Variants in SLC5A10 observed in about 807,000 individuals in gnomAD.
The protein encoded by SLC5A10 is sodium/mannose cotransporter SLC5A10.
SLC5A10 carries 55 observed loss-of-function variants against 68.9 expected under a neutral mutation model. That is an observed-to-expected ratio of 0.80 (90% CI 0.64 to 1.00). The LOEUF (loss-of-function observed/expected upper bound fraction) is 1.00, where lower values mean the gene tolerates loss of function less well. Among genes scored for constraint, SLC5A10 ranks in the 50% least tolerant of loss-of-function variants. The probability of loss-of-function intolerance (pLI) is 0.00; values close to 1 mark genes in which losing one functional copy is unlikely to be tolerated. For missense variants in SLC5A10, 732 were observed against 819.3 expected (o/e 0.89, Z 1.30); for synonymous variants, 344 against 344.8 (o/e 1.00, Z 0.02).
intron 11 of SLC5A10, among the ~76,000 whole-genome samples, chr17:19,016,051 C>CTT (rs796258265): frequency 2.8e-5 from 4 of 143,906 alleles, no homozygotes; most frequent in East Asian, 2.0e-4. Context: ...TTGTATCATT[C>CTT]TTTTTTTTTT....
rs1175820086 is a variant in SLC5A10 at position 18,969,137 on chromosome 17, C to G, written c.539C>G (p.Thr180Arg). 6.2e-7 allele frequency: 1 copy of G among 1,614,038 alleles called. No individual in the cohort carries two copies. Among genetic ancestry groups the G allele is most frequent in the Admixed American group, 1.7e-5 (1 of 60,016 alleles). The change falls in exon 6 of 15, where the codon ACA (threonine) becomes AGA (arginine). Residue 180 changes from threonine to arginine, a missense_variant. Coordinates refer to ENST00000395645, the MANE Select transcript of SLC5A10 (RefSeq NM_001042450.4). ...TCCACCATCCTCACGCTCGGCATCA[C>G]AGCCCTGTACACCATCGCAGGTATG... Reference protein sequence around the residue: ...YLSTILTLGITALYTIAGGLA... With the variant: ...YLSTILTLGIRALYTIAGGLA...
In SLC5A10 at chr17:18,971,990, C is replaced by T. The variant is rs762764003; in HGVS notation, c.846+772C>T. 6.6e-6 allele frequency among the ~76,000 whole-genome samples: 1 copy of T among 152,218 alleles called. No homozygotes were observed. Among genetic ancestry groups the T allele is most frequent in the Non-Finnish European group, 1.5e-5 (1 of 68,034 alleles). ...CAAGGCAGCTTCCTCCCAGCTCACC[C>T]CCGCAGCCTCCTCTATTCCGACACA... On this transcript the variant is annotated intron_variant, in intron 8 of 14. Transcript: ENST00000395645. The surrounding 1 kb of genome is among the most constrained non-coding windows in gnomAD (Gnocchi z 5.5).
At chr17:19,010,223 G>T (rs933793540) in intron 9 of SLC5A10, among the ~76,000 whole-genome samples, 6 of 152,180 alleles carry the variant, frequency 3.9e-5, no homozygotes, top group African/African-American at 1.4e-4. Context: ...CAGCAAGGAG[G>T]TAGTGCAGTT....
intron 1 of SLC5A10, among the ~76,000 whole-genome samples, chr17:18,953,075 C>G (rs2042405868): frequency 6.6e-6 from 1 of 151,950 alleles, no homozygotes; most frequent in Non-Finnish European, 1.5e-5. Flanking sequence ...CAGAGGTCCC[C>G]AGCCTGGCAT....
chr17:19,017,771 C>A lies in SLC5A10; in HGVS notation c.1242-1652C>A. The A allele has an allele frequency of 5.2e-6, 1 of 192,358 alleles. No homozygotes were observed. Among genetic ancestry groups the A allele is most frequent in the South Asian group, 1.0e-4 (1 of 9,940 alleles). 11.9% of individuals were successfully genotyped at this position (192,358 alleles called of 1,614,324 possible). A position where few individuals can be genotyped will look rare whatever the true frequency, so the allele number is the denominator to read the frequency against. ...CTCAGACACCCCTCCTTGAGATGTT[C>A]CACAGTAACTGTGGCTGCAGCCCAG... On this transcript the variant is annotated intron_variant, in intron 11 of 14. Coordinates refer to ENST00000395645, the MANE Select transcript of SLC5A10 (RefSeq NM_001042450.4). The surrounding 1 kb of genome is among the most constrained non-coding windows in gnomAD (Gnocchi z 5.6).
chr17:18,994,454 C>T (rs186552898), intron 9 of SLC5A10, among the ~76,000 whole-genome samples: 48 of 152,274 alleles, frequency 3.2e-4, no homozygotes, highest in South Asian at 4.2e-4. Flanking sequence ...ACAGAGTGAA[C>T]TCCAGAGACC....
At chr17:19,014,991 G>T (rs1439527397) in intron 10 of SLC5A10, 58 bp from the exon 11 acceptor site, 1 of 1,574,414 alleles carries the variant, frequency 6.4e-7, no homozygotes, top group African/African-American at 1.3e-5. Flanking sequence ...CAGGCGGGAG[G>T]GGTTCCCGGG....
At chr17:18,995,320 G>A (rs1454230419) in intron 9 of SLC5A10, among the ~76,000 whole-genome samples, 1 of 152,086 alleles carries the variant, frequency 6.6e-6, no homozygotes, top group Non-Finnish European at 1.5e-5. Flanking sequence ...AATTCAAGAG[G>A]TGAAAATGCA....
chr17:18,952,028 G>A (rs373458541), upstream of SLC5A10: 16 of 1,032,340 alleles, frequency 1.5e-5, no homozygotes, highest in African/African-American at 2.1e-4. Context: ...CCACCATGGG[G>A]TGAGGAAGCT....
At chr17:18,970,952 G>A in intron 7 of SLC5A10, 61 bp from the exon 8 acceptor site, 2 of 1,524,412 alleles carry the variant, frequency 1.3e-6, no homozygotes, top group East Asian at 2.3e-5. Context: ...GCAGGGGGGA[G>A]CCCAGGGAGT....
chr17:18,989,699 C>T (rs1005672810), intron 9 of SLC5A10, among the ~76,000 whole-genome samples: 4 of 152,242 alleles, frequency 2.6e-5, no homozygotes, highest in Non-Finnish European at 5.9e-5. Flanking sequence ...CTTTCTCCCA[C>T]AGTCACCCCG....
rs554267984 is a variant in SLC5A10 at position 18,974,874 on chromosome 17, G to C, written c.847-1980G>C. Among the ~76,000 whole-genome samples, 78 of 152,272 alleles carry C rather than the reference G, an allele frequency of 5.1e-4. 1 individual carries two copies. The highest frequency in any genetic ancestry group is 3.0e-3 in the Admixed American group (46 of 15,300). ...CTGGGACTAGACACCAGTGCTGGGA[G>C]GTGGGGGTGAGCAGTGGCCTGCTGA... On this transcript the variant is annotated intron_variant, in intron 8 of 14. Coordinates refer to ENST00000395645, the MANE Select transcript of SLC5A10 (RefSeq NM_001042450.4).
At chr17:19,015,924 A>AG (rs2044130270) in intron 11 of SLC5A10, among the ~76,000 whole-genome samples, 1 of 152,150 alleles carries the variant, frequency 6.6e-6, no homozygotes, top group Admixed American at 6.5e-5. Context: ...TAAGTTCTTT[A>AG]GTGGCGATTT....
Position 18,971,368 on chromosome 17 carries a change from T to A in SLC5A10, c.846+150T>A. 1 of 1,538,666 alleles carries A rather than the reference T, an allele frequency of 6.5e-7. No homozygotes were observed. The highest frequency in any genetic ancestry group is 1.8e-5 in the African/African-American group (1 of 55,404). On this transcript the variant is annotated intron_variant, in intron 8 of 14. Coordinates refer to ENST00000395645, the MANE Select transcript of SLC5A10 (RefSeq NM_001042450.4). The surrounding 1 kb of genome is among the most constrained non-coding windows in gnomAD (Gnocchi z 5.5). ...AGGCTGGGACATGCTGCTAGGGGTC[T>A]TTGCGGTCCCGGGGGGCTTGAGCCC...
At chr17:18,963,138 G>A (rs2042644043) in intron 5 of SLC5A10, among the ~76,000 whole-genome samples, 1 of 152,184 alleles carries the variant, frequency 6.6e-6, no homozygotes. Context: ...ACTTGAACTG[G>A]GGAGATGGAG....
At chr17:18,981,981 C>T (rs996304419) in intron 9 of SLC5A10, among the ~76,000 whole-genome samples, 8 of 152,230 alleles carry the variant, frequency 5.3e-5, no homozygotes, top group Admixed American at 1.3e-4. Context: ...GCTCCTGGCC[C>T]GGCCACAGAC....
Position 18,952,608 on chromosome 17 carries a change from C to A in SLC5A10, c.111+292C>A, listed in dbSNP as rs578018411. On this transcript the variant is annotated intron_variant, in intron 1 of 14. Transcript: ENST00000395645. Reference sequence around the variant, plus strand: ...CCAGCTGGAGTCCTTGGGTGTGGCCCATCAGCCTCCTGGTCCCAGTCTCCA... The same window carrying A: ...CCAGCTGGAGTCCTTGGGTGTGGCCAATCAGCCTCCTGGTCCCAGTCTCCA... The A allele has an allele frequency of 1.4e-5, 4 of 280,066 alleles. No homozygotes were observed. The East Asian group carries it at 2.6e-4, about 18-fold the overall frequency. The allele number at this position is 280,066 out of a possible 1,614,324, so 17.3% of individuals were successfully genotyped here. A position where few individuals can be genotyped will look rare whatever the true frequency, so the allele number is the denominator to read the frequency against.
intron 9 of SLC5A10, among the ~76,000 whole-genome samples, chr17:18,985,361 C>G (rs1030115348): frequency 2.0e-5 from 3 of 152,212 alleles, no homozygotes; most frequent in Non-Finnish European, 4.4e-5. Flanking sequence ...GGGCTCAGGA[C>G]TGGCTCCTGG....
intron 8 of SLC5A10, among the ~76,000 whole-genome samples, chr17:18,973,247 G>A (rs2042899686): frequency 6.6e-6 from 1 of 152,256 alleles, no homozygotes; most frequent in Non-Finnish European, 1.5e-5. Context: ...TCTTCTCTGG[G>A]TGGAACATCA....
Sources: allele counts gnomAD v4.1 joint callset (sites outside exome capture counted in the v4.1 genomes callset), GRCh38; gene constraint gnomAD v4.1.1; non-coding constraint Gnocchi (gnomAD v3.1); transcripts MANE v1.5; gene names NCBI Gene and HGNC (gene_info 2026-07-23, HGNC 2026-07-21).